Variants in SGCZ observed in about 807,000 individuals in gnomAD.
SGCZ encodes the protein sarcoglycan zeta.
SGCZ carries 40 observed loss-of-function variants against 41.3 expected under a neutral mutation model. The ratio of observed to expected loss-of-function variants is 0.97; its 90% CI spans 0.75 to 1.26. The LOEUF (loss-of-function observed/expected upper bound fraction) is 1.26, where lower values mean the gene tolerates loss of function less well. SGCZ is among the 50% of genes most tolerant of loss of function. The probability of loss-of-function intolerance (pLI) is 0.00; values close to 1 mark genes in which losing one functional copy is unlikely to be tolerated. For missense variants in SGCZ, 552 were observed against 369.8 expected (o/e 1.49, Z -4.04); for synonymous variants, 206 against 137.5 (o/e 1.50, Z -3.49).
At chr8:14,211,749 G>A (rs1180356498) in intron 4 of SGCZ, among the ~76,000 whole-genome samples, 6 of 152,078 alleles carry the variant, frequency 3.9e-5, no homozygotes, top group Non-Finnish European at 8.8e-5. Context: ...ACAGCCGGGG[G>A]AAATCTGCCC....
At chr8:14,632,234 G>C (rs137855789) in intron 1 of SGCZ, among the ~76,000 whole-genome samples, 2 of 151,780 alleles carry the variant, frequency 1.3e-5, no homozygotes, top group South Asian at 2.1e-4. Context: ...TGTTGCCCAC[G>C]CTTGTCTTGA....
intron 2 of SGCZ, among the ~76,000 whole-genome samples, chr8:14,534,735 T>G (rs17119718): frequency 0.097 from 14,813 of 151,946 alleles, 1,250 homozygotes; most frequent in African/African-American, 0.23. Context: ...TATAAACTCA[T>G]TGAAAGAAAG....
At chr8:14,673,591 T>G (rs756929156) in intron 1 of SGCZ, among the ~76,000 whole-genome samples, 8 of 152,158 alleles carry the variant, frequency 5.3e-5, no homozygotes, top group Non-Finnish European at 8.8e-5. Context: ...ACCTCTCTTA[T>G]TTATAAATTA....
At chr8:14,447,985 G>A (rs1211164371) in intron 2 of SGCZ, among the ~76,000 whole-genome samples, 1 of 152,168 alleles carries the variant, frequency 6.6e-6, no homozygotes, top group African/African-American at 2.4e-5. Flanking sequence ...AATGTACATA[G>A]TGGTGAATTT....
At chr8:15,030,877 T>C (rs1803635640) in intron 1 of SGCZ, among the ~76,000 whole-genome samples, 1 of 152,102 alleles carries the variant, frequency 6.6e-6, no homozygotes, top group African/African-American at 2.4e-5. Flanking sequence ...AGTTAGCCAC[T>C]TAAAAGAAAC....
chr8:14,874,237 G>A (rs922214936), intron 1 of SGCZ, among the ~76,000 whole-genome samples: 1 of 152,058 alleles, frequency 6.6e-6, no homozygotes, highest in Admixed American at 6.6e-5. Flanking sequence ...TATTTTTAAA[G>A]ATAATACTCT....
intron 1 of SGCZ, among the ~76,000 whole-genome samples, chr8:14,624,831 A>G (rs1017348059): frequency 6.6e-6 from 1 of 151,874 alleles, no homozygotes; most frequent in Non-Finnish European, 1.5e-5. Context: ...ATAGCCTCCC[A>G]AAGTGCTGGG....
At chr8:15,171,962 G>A (rs1384926533) in intron 1 of SGCZ, among the ~76,000 whole-genome samples, 1 of 151,970 alleles carries the variant, frequency 6.6e-6, no homozygotes. Context: ...CCATTGAAAG[G>A]TAACAGGAGC....
intron 1 of SGCZ, among the ~76,000 whole-genome samples, chr8:14,756,462 G>C (rs1473993694): frequency 6.6e-6 from 1 of 152,164 alleles, no homozygotes; most frequent in African/African-American, 2.4e-5. Context: ...TGGGATTACA[G>C]GCTTGAGCCA....
At chr8:14,886,101 A>G (rs1000544072) in intron 1 of SGCZ, among the ~76,000 whole-genome samples, 1 of 146,258 alleles carries the variant, frequency 6.8e-6, no homozygotes. Flanking sequence ...ACAAAGTTTG[A>G]CCACTTAATA....
intron 1 of SGCZ, among the ~76,000 whole-genome samples, chr8:14,637,383 G>A (rs540514970): frequency 5.4e-4 from 81 of 151,194 alleles, no homozygotes; most frequent in African/African-American, 1.8e-3. Flanking sequence ...AGTAAATTGC[G>A]TGATGCTGCG....
chr8:14,172,669 C>G lies in SGCZ; in HGVS notation c.425-7967G>C, dbSNP rs190184033. On this transcript the variant is annotated intron_variant, in intron 4 of 7. Coordinates refer to ENST00000382080, the MANE Select transcript of SGCZ (RefSeq NM_139167.4). ...AACGTGTACTCCACATTCATTACAT[C>G]GTTTTCCTAAGGACCATTTGCAAAT... Among the ~76,000 whole-genome samples, 5 of 152,232 alleles carry G rather than the reference C, an allele frequency of 3.3e-5. No individual in the cohort carries two copies. The East Asian group carries it at 9.7e-4, about 29-fold the overall frequency.
At chr8:14,997,993 G>C (rs983633589) in intron 1 of SGCZ, among the ~76,000 whole-genome samples, 2 of 152,092 alleles carry the variant, frequency 1.3e-5, no homozygotes, top group African/African-American at 4.8e-5. Context: ...TCATGTCATT[G>C]TTTCAGCACA....
At chr8:14,493,338 C>G (rs1801896523) in intron 2 of SGCZ, among the ~76,000 whole-genome samples, 2 of 104,066 alleles carry the variant, frequency 1.9e-5, no homozygotes, top group Admixed American at 1.9e-4. Flanking sequence ...TATTCACATA[C>G]TTTTCCCACT....
chr8:14,552,114 G>A (rs1285385449), intron 2 of SGCZ, among the ~76,000 whole-genome samples: 1 of 151,832 alleles, frequency 6.6e-6, no homozygotes, highest in East Asian at 1.9e-4. Flanking sequence ...CTATAGTGTG[G>A]CAACTAGTCT....
At chr8:14,868,031 A>C (rs1803996625) in intron 1 of SGCZ, among the ~76,000 whole-genome samples, 1 of 152,116 alleles carries the variant, frequency 6.6e-6, no homozygotes, top group Non-Finnish European at 1.5e-5. Context: ...CCTTAGAATT[A>C]GCTCTATGTT....
intron 1 of SGCZ, among the ~76,000 whole-genome samples, chr8:15,215,757 C>A (rs1801379383): frequency 6.6e-6 from 1 of 152,164 alleles, no homozygotes; most frequent in Non-Finnish European, 1.5e-5. Flanking sequence ...TAGTAATAAA[C>A]CTCTAAGAGT....
Position 14,914,879 on chromosome 8 carries a change from T to G in SGCZ, c.39+322706A>C, listed in dbSNP as rs143597770. Among the ~76,000 whole-genome samples, 98 of 152,256 alleles carry G rather than the reference T, an allele frequency of 6.4e-4. 1 individual carries two copies. Among genetic ancestry groups the G allele is most frequent in the African/African-American group, 2.3e-3 (96 of 41,556 alleles). ...TCACGATGTAGAAGAGTTTGCTCCT[T>G]TGCTGGGAGCCAGCCCAATATCCCC... On this transcript the variant is annotated intron_variant, in intron 1 of 7. Transcript: ENST00000382080.
chr8:14,478,779 G>T (rs543551904), intron 2 of SGCZ, among the ~76,000 whole-genome samples: 1 of 152,218 alleles, frequency 6.6e-6, no homozygotes, highest in African/African-American at 2.4e-5. Flanking sequence ...CTTTTTCAGA[G>T]TAACAGTTCT....
Sources: gnomAD v4.1 joint callset for allele counts (sites outside exome capture counted in the v4.1 genomes callset) on GRCh38, gnomAD v4.1.1 for gene constraint, MANE v1.5 for transcripts, NCBI Gene and HGNC (gene_info 2026-07-23, HGNC 2026-07-21) for gene names.